Variants in VDAC1 observed in about 807,000 individuals in gnomAD.
VDAC1 encodes the protein voltage dependent anion channel 1, also known as non-selective voltage-gated ion channel VDAC1.
A neutral mutation model predicts 34.7 loss-of-function variants in VDAC1; 10 were observed. The ratio of observed to expected loss-of-function variants is 0.29; its 90% CI spans 0.18 to 0.49. VDAC1 has a LOEUF of 0.49. Ranked by LOEUF, VDAC1 falls within the 20% of genes least tolerant of loss-of-function variation. The pLI is 0.99. For missense variants in VDAC1, 230 were observed against 347.9 expected, an observed-to-expected ratio of 0.66 and a Z score of 2.69; for synonymous variants, 130 against 136.0, an observed-to-expected ratio of 0.96 and a Z score of 0.30.
intron 1 of VDAC1, among the ~76,000 whole-genome samples, chr5:134,002,309 C>A (rs1373620608): frequency 3.3e-5 from 5 of 152,150 alleles, no homozygotes; most frequent in Non-Finnish European, 4.4e-5. Context: ...CTGCCTATAG[C>A]CCCACTCTAG....
the VDAC1 span, among the ~76,000 whole-genome samples, chr5:134,097,648 C>T: frequency 6.6e-6 from 1 of 152,292 alleles, no homozygotes; most frequent in East Asian, 1.9e-4. Flanking sequence ...AGCCCTCACC[C>T]ACGGTGGAGG....
chr5:134,034,859 T>C, the VDAC1 span, among the ~76,000 whole-genome samples: 1 of 152,060 alleles, frequency 6.6e-6, no homozygotes, highest in Non-Finnish European at 1.5e-5. Flanking sequence ...TGAATTGGAA[T>C]CTCAGGTATC....
At chr5:134,076,795 G>T in the VDAC1 span, among the ~76,000 whole-genome samples, 56 of 152,284 alleles carry the variant, frequency 3.7e-4, no homozygotes, top group East Asian at 0.01. Context: ...GAAGAGGCAG[G>T]AGAGACAACC....
At chr5:134,068,950 C>A in the VDAC1 span, among the ~76,000 whole-genome samples, 1 of 145,786 alleles carries the variant, frequency 6.9e-6, no homozygotes, top group African/African-American at 2.5e-5. Context: ...CAGAAAAAAA[C>A]TTCTCTGGGA....
chr5:134,026,527 A>G, the VDAC1 span, among the ~76,000 whole-genome samples: 1 of 151,548 alleles, frequency 6.6e-6, no homozygotes, highest in Non-Finnish European at 1.5e-5. Flanking sequence ...AAAAAAAAAA[A>G]AAAAAAAAAA....
chr5:133,980,503 T>C (rs978963169), intron 6 of VDAC1, among the ~76,000 whole-genome samples: 2 of 152,076 alleles, frequency 1.3e-5, no homozygotes, highest in African/African-American at 2.4e-5. Flanking sequence ...CAATATATAC[T>C]GTTCACAGAG....
the VDAC1 span, among the ~76,000 whole-genome samples, chr5:134,057,475 G>A: frequency 1.4e-4 from 17 of 122,520 alleles, no homozygotes; most frequent in East Asian, 3.4e-4. Flanking sequence ...GTGAGGCTCC[G>A]TCTCAAAAAA....
intron 5 of VDAC1, among the ~76,000 whole-genome samples, chr5:133,985,631 G>A (rs1472395261): frequency 6.6e-6 from 1 of 152,184 alleles, no homozygotes; most frequent in Non-Finnish European, 1.5e-5. Flanking sequence ...TCCAGCCTGA[G>A]CGACAGAGCA....
chr5:134,055,613 T>TTG, the VDAC1 span, among the ~76,000 whole-genome samples: 1 of 97,364 alleles, frequency 1.0e-5, no homozygotes, highest in African/African-American at 3.4e-5. Flanking sequence ...TTTTTTTTTT[T>TTG]TTTTTTAGTA....
intron 7 of VDAC1, 85 bp downstream of exon 7, chr5:133,975,786 C>T: frequency 6.4e-7 from 1 of 1,564,644 alleles, no homozygotes; most frequent in South Asian, 1.2e-5. Context: ...TAAGCTGAAG[C>T]ACAGCACTCC....
chr5:134,003,173 G>C (rs1439541766), intron 1 of VDAC1, among the ~76,000 whole-genome samples: 1 of 152,212 alleles, frequency 6.6e-6, no homozygotes, highest in African/African-American at 2.4e-5. Flanking sequence ...CTGTGTGCCA[G>C]GCAGCACCAC....
chr5:134,101,575 G>A, the VDAC1 span, among the ~76,000 whole-genome samples: 1 of 151,558 alleles, frequency 6.6e-6, no homozygotes, highest in Non-Finnish European at 1.5e-5. Context: ...AAAAAAAAGA[G>A]TCCTGGCCTG....
the VDAC1 span, among the ~76,000 whole-genome samples, chr5:134,049,376 G>A: frequency 3.1e-4 from 47 of 152,288 alleles, no homozygotes; most frequent in African/African-American, 1.1e-3. Flanking sequence ...TGACAGGTGT[G>A]AGCCACCATG....
the VDAC1 span, among the ~76,000 whole-genome samples, chr5:134,022,819 A>G: frequency 1.3e-5 from 2 of 152,196 alleles, no homozygotes; most frequent in South Asian, 4.1e-4. Context: ...AAAAGTCAAG[A>G]AACAACAGAT....
chr5:133,977,581 A>G (rs1752527658), intron 6 of VDAC1, among the ~76,000 whole-genome samples: 1 of 152,036 alleles, frequency 6.6e-6, no homozygotes, highest in South Asian at 2.1e-4. Flanking sequence ...CCACCCCTAA[A>G]AAGGCATACG....
chr5:134,094,695 CAAAAAAAAAA>C, the VDAC1 span, among the ~76,000 whole-genome samples: 4 of 68,504 alleles, frequency 5.8e-5, no homozygotes, highest in Non-Finnish European at 7.9e-5. Context: ...GACTCCGTCT[CAAAAAAAAAA>C]AAAAAAAAAA....
chr5:134,077,788 G>A, the VDAC1 span, among the ~76,000 whole-genome samples: 7 of 152,188 alleles, frequency 4.6e-5, no homozygotes, highest in Non-Finnish European at 8.8e-5. Context: ...CCAATAATAT[G>A]TTCTTCAGAG....
At chr5:133,976,410 C>G in intron 6 of VDAC1, 1 of 172,924 alleles carries the variant, frequency 5.8e-6, no homozygotes, top group South Asian at 1.4e-4. Context: ...GAGGCTGAGG[C>G]AGGAGAATCG....
chr5:134,114,071 G>A, the VDAC1 span, among the ~76,000 whole-genome samples: 1 of 152,212 alleles, frequency 6.6e-6, no homozygotes, highest in Non-Finnish European at 1.5e-5. Flanking sequence ...CGTCACAGAT[G>A]TGTGATGTAT....
Sources: gnomAD v4.1 joint callset for allele counts (sites outside exome capture counted in the v4.1 genomes callset) on GRCh38, gnomAD v4.1.1 for gene constraint, MANE v1.5 for transcripts, NCBI Gene and HGNC (gene_info 2026-07-23, HGNC 2026-07-21) for gene names.